PTPRD: variants seen among roughly 807,000 people sequenced by gnomAD.
The protein encoded by PTPRD is receptor-type tyrosine-protein phosphatase delta.
Under a neutral mutation model 214.5 loss-of-function variants are expected in PTPRD, and 34 were observed. The ratio of observed to expected loss-of-function variants is 0.16; its 90% confidence interval spans 0.12 to 0.21. The LOEUF is 0.21. Ranked by LOEUF, PTPRD falls within the 10% of genes least tolerant of loss-of-function variation. PTPRD has a pLI of 1.00. For synonymous variants in PTPRD, 1,128 were observed against 845.7 expected, an observed-to-expected ratio of 1.33 and a Z score of -5.79; for missense variants, 2,545 against 2,398.7, an observed-to-expected ratio of 1.06 and a Z score of -1.27.
chr9:8,424,378 G>T (rs12003835), intron 35 of PTPRD, among the ~76,000 whole-genome samples: 6,199 of 152,200 alleles, frequency 0.041, 195 homozygotes, highest in South Asian at 0.1. Flanking sequence ...TTTACTAGCT[G>T]TGTGACCTTG....
chr9:9,154,087 G>A (rs140283937), intron 10 of PTPRD, among the ~76,000 whole-genome samples: 1 of 152,206 alleles, frequency 6.6e-6, no homozygotes, highest in African/African-American at 2.4e-5. Flanking sequence ...TTGTCTGCTT[G>A]CACTCTTACT....
In PTPRD at chr9:9,770,557, A is replaced by C. The variant is rs182431256; in HGVS notation, c.-367-3706T>G. Among the ~76,000 whole-genome samples the C allele has an allele frequency of 4.1e-3, 617 of 152,254 alleles. 4 individuals carry two copies. The highest frequency in any genetic ancestry group is 0.014 in the African/African-American group (589 of 41,550). On this transcript the variant is annotated intron_variant, in intron 5 of 45. Coordinates refer to ENST00000381196, the MANE Select transcript of PTPRD (RefSeq NM_002839.4). The stretch of plus-strand genomic sequence containing the variant: ...TTTTGTCACCATTTAATGTAATCTA[A>C]AGTGAAATTTTCCACTATTCTCATT...
At chr9:8,641,262 G>C (rs146895968) in intron 12 of PTPRD, among the ~76,000 whole-genome samples, 1 of 148,146 alleles carries the variant, frequency 6.8e-6, no homozygotes, top group Non-Finnish European at 1.5e-5. Context: ...GAAAATCTCC[G>C]TTTTTATCCC....
chr9:9,732,155 C>G (rs1197677458), intron 7 of PTPRD, among the ~76,000 whole-genome samples: 1 of 151,926 alleles, frequency 6.6e-6, no homozygotes, highest in African/African-American at 2.4e-5. Context: ...ATGCTGGTCA[C>G]AGAAGCAGAA....
chr9:8,508,358 C>T (rs2097582905), intron 21 of PTPRD, among the ~76,000 whole-genome samples: 1 of 152,186 alleles, frequency 6.6e-6, no homozygotes, highest in Non-Finnish European at 1.5e-5. Flanking sequence ...ATCAGTTCCC[C>T]TCTATCCATT....
intron 10 of PTPRD, among the ~76,000 whole-genome samples, chr9:9,136,303 C>T (rs1448198431): frequency 6.6e-6 from 1 of 152,072 alleles, no homozygotes; most frequent in Admixed American, 6.5e-5. Context: ...ATTAACATGG[C>T]TTAATTACTT....
chr9:9,460,542 A>G (rs866019196), intron 8 of PTPRD, among the ~76,000 whole-genome samples: 22 of 152,118 alleles, frequency 1.4e-4, no homozygotes, highest in Admixed American at 7.2e-4. Flanking sequence ...ACACTTCTCA[A>G]AAGGACATAA....
chr9:10,511,569 ATTTTTTT>A, intron 2 of PTPRD, among the ~76,000 whole-genome samples: 1 of 127,870 alleles, frequency 7.8e-6, no homozygotes, highest in South Asian at 2.5e-4. Context: ...ACACCCTGGT[ATTTTTTT>A]TTTTTTTTTT....
At chr9:9,338,991 G>A (rs576384145) in intron 9 of PTPRD, among the ~76,000 whole-genome samples, 2 of 152,278 alleles carry the variant, frequency 1.3e-5, no homozygotes, top group South Asian at 2.1e-4. Context: ...CTTTAAGGAT[G>A]ACATATTGTG....
intron 5 of PTPRD, among the ~76,000 whole-genome samples, chr9:9,891,830 A>C (rs1161566301): frequency 6.6e-6 from 1 of 152,148 alleles, no homozygotes; most frequent in Non-Finnish European, 1.5e-5. Flanking sequence ...TTAAGTCATA[A>C]GATTTAGATT....
chr9:8,823,035 G>A (rs982506615), intron 11 of PTPRD, among the ~76,000 whole-genome samples: 2 of 152,038 alleles, frequency 1.3e-5, no homozygotes, highest in Non-Finnish European at 2.9e-5. Context: ...AAAGTACAGA[G>A]GATCTAGTAA....
At chr9:8,709,578 T>G (rs955052925) in intron 12 of PTPRD, among the ~76,000 whole-genome samples, 1 of 150,642 alleles carries the variant, frequency 6.6e-6, no homozygotes, top group African/African-American at 2.4e-5. Context: ...GGATGTAAAG[T>G]GTTCTCATAA....
intron 3 of PTPRD, among the ~76,000 whole-genome samples, chr9:10,223,912 G>A (rs1246830474): frequency 6.6e-6 from 1 of 151,492 alleles, no homozygotes; most frequent in Non-Finnish European, 1.5e-5. Context: ...CACAGTAAAT[G>A]CATACTTGTT....
chr9:9,489,329 A>G (rs2095801105), intron 8 of PTPRD, among the ~76,000 whole-genome samples: 1 of 152,214 alleles, frequency 6.6e-6, no homozygotes, highest in Non-Finnish European at 1.5e-5. Flanking sequence ...TAGTTACTAC[A>G]TTATTAGATT....
At chr9:9,975,301 C>A (rs998124260) in intron 4 of PTPRD, among the ~76,000 whole-genome samples, 8 of 152,180 alleles carry the variant, frequency 5.3e-5, no homozygotes, top group Non-Finnish European at 1.2e-4. Context: ...TTGAACCAAC[C>A]CTTCGTATAG....
At chr9:9,310,199 G>A (rs537515194) in intron 9 of PTPRD, among the ~76,000 whole-genome samples, 7 of 152,164 alleles carry the variant, frequency 4.6e-5, no homozygotes, top group Admixed American at 1.3e-4. Flanking sequence ...GTGTGGCTTG[G>A]AGAGGAAAGT....
intron 21 of PTPRD, among the ~76,000 whole-genome samples, chr9:8,517,494 A>T (rs2097801446): frequency 6.6e-6 from 1 of 152,226 alleles, no homozygotes. Context: ...TACACAAATT[A>T]AATACTCTTT....
At chr9:9,500,148 C>T (rs1182235553) in intron 8 of PTPRD, among the ~76,000 whole-genome samples, 1 of 152,008 alleles carries the variant, frequency 6.6e-6, no homozygotes, top group African/African-American at 2.4e-5. Flanking sequence ...TGAAAAGCTA[C>T]TTTTCATTCA....
intron 10 of PTPRD, among the ~76,000 whole-genome samples, chr9:9,035,705 A>C (rs2099619538): frequency 6.6e-6 from 1 of 152,146 alleles, no homozygotes; most frequent in African/African-American, 2.4e-5. Flanking sequence ...GTTCATCTTG[A>C]AAATATGTGT....
Sources: allele counts gnomAD v4.1 joint callset (sites outside exome capture counted in the v4.1 genomes callset), GRCh38; gene constraint gnomAD v4.1.1; transcripts MANE v1.5; gene names NCBI Gene and HGNC (gene_info 2026-07-23, HGNC 2026-07-21).